NDUFS1: variants seen among roughly 807,000 people sequenced by gnomAD.
NDUFS1 encodes NADH-ubiquinone oxidoreductase 75 kDa subunit, mitochondrial.
Under a neutral mutation model 84.4 loss-of-function variants are expected in NDUFS1, and 61 were observed. The ratio of observed to expected loss-of-function variants is 0.72; its 90% CI spans 0.59 to 0.89. The LOEUF (loss-of-function observed/expected upper bound fraction) is 0.89. Among genes scored for constraint, NDUFS1 ranks in the 40% least tolerant of loss-of-function variants. The probability of loss-of-function intolerance (pLI) is 0.00; values close to 1 mark genes in which losing one functional copy is unlikely to be tolerated. For synonymous variants in NDUFS1, 275 were observed against 290.0 expected (o/e 0.95, Z 0.53); for missense variants, 891 against 890.0 (o/e 1.00, Z -0.01).
chr2:206,129,889 G>A (rs903906039), intron 15 of NDUFS1, among the ~76,000 whole-genome samples, 199 bp downstream of exon 15: 1 of 152,074 alleles, frequency 6.6e-6, no homozygotes, highest in Non-Finnish European at 1.5e-5. Context: ...ACCGCACCCG[G>A]CAGGTAATAA....
Position 206,132,929 on chromosome 2 carries a change from C to CA in NDUFS1, c.1553+15dup, listed in dbSNP as rs1559047163. Reference sequence around the variant, plus strand: ...TTACTTGAATTTATAGTATATAAAGCAATTACTCAACAAACCTATGAAGGA... The same window carrying CA: ...TTACTTGAATTTATAGTATATAAAGCAAATTACTCAACAAACCTATGAAGGA... On this transcript the variant is annotated intron_variant, in intron 14 of 18. Coordinates refer to ENST00000233190, the MANE Select transcript of NDUFS1 (RefSeq NM_005006.7). 2 of 1,603,722 alleles carry CA rather than the reference C, an allele frequency of 1.2e-6. No individual in the cohort carries two copies. The highest frequency in any genetic ancestry group is 1.7e-6 in the Non-Finnish European group (2 of 1,171,000).
intron 9 of NDUFS1, 87 bp from the exon 10 acceptor site, chr2:206,144,219 A>T (rs2105970283): frequency 1.0e-6 from 1 of 977,238 alleles, no homozygotes; most frequent in East Asian, 2.4e-5. Context: ...ATGTTATTTA[A>T]ATACAGTACT....
At chr2:206,142,093 C>A (rs759656726) in intron 11 of NDUFS1, 24 bp from the exon 12 acceptor site, 1 of 1,552,216 alleles carries the variant, frequency 6.4e-7, no homozygotes, top group Non-Finnish European at 8.9e-7. Context: ...ATATAAAATG[C>A]AAATTTACTT....
At chr2:206,135,052 T>C (rs545357228) in intron 13 of NDUFS1, among the ~76,000 whole-genome samples, 4 of 151,626 alleles carry the variant, frequency 2.6e-5, no homozygotes, top group African/African-American at 9.7e-5. Context: ...AGGGTCTTAC[T>C]CTGTTGCCCA....
intron 1 of NDUFS1, 31 bp downstream of exon 1, chr2:206,159,310 C>T: frequency 1.5e-6 from 1 of 659,670 alleles, no homozygotes; most frequent in South Asian, 1.7e-5. Context: ...GGCCGACGCA[C>T]CTCACCCTTC....
intron 9 of NDUFS1, 125 bp from the exon 10 acceptor site, chr2:206,144,257 T>C (rs1692076031): frequency 1.4e-6 from 1 of 693,224 alleles, no homozygotes; most frequent in Non-Finnish European, 2.6e-6. Context: ...TCTAAACACC[T>C]AGATACAAGT....
At chr2:206,149,239 T>G in intron 4 of NDUFS1, 143 bp from the exon 5 acceptor site, 1 of 680,642 alleles carries the variant, frequency 1.5e-6, no homozygotes. Flanking sequence ...TTTTTAAAAC[T>G]GAATTTTGTT....
chr2:206,141,511 G>A (rs558634785), intron 12 of NDUFS1, among the ~76,000 whole-genome samples: 34 of 150,278 alleles, frequency 2.3e-4, no homozygotes, highest in Admixed American at 1.6e-3. Context: ...CAGCCTGGGC[G>A]ACAAAGCGAG....
In NDUFS1 at chr2:206,124,176, G is replaced by A. The variant is rs1298765687; in HGVS notation, c.*9C>T. On this transcript the variant is annotated 3_prime_UTR_variant, in exon 19 of 19. Transcript: ENST00000233190. ...TATCTGCGGCAAAACTGGGATCCTA[G>A]TAGAAGCTTCAGCATATGGATGGTT... 3 of 1,584,436 alleles carry A rather than the reference G, an allele frequency of 1.9e-6. No individual in the cohort carries two copies. Among genetic ancestry groups the A allele is most frequent in the Non-Finnish European group, 2.6e-6 (3 of 1,152,998 alleles).
At chr2:206,153,048 G>C (rs1229760766) in intron 2 of NDUFS1, among the ~76,000 whole-genome samples, 1 of 152,084 alleles carries the variant, frequency 6.6e-6, no homozygotes, top group Non-Finnish European at 1.5e-5. Context: ...TTCATGGGAA[G>C]ATCACTTTTC....
rs926271077 is a variant in NDUFS1, at chr2:206,119,168, T to A, written c.*5017A>T. ...AGGCATGGCTTTCCCTCATAGTCTA[T>A]GAAATTTTCCTACAATGATCATCCT... On this transcript the variant is annotated 3_prime_UTR_variant, in exon 19 of 19. Coordinates refer to ENST00000233190, the MANE Select transcript of NDUFS1 (RefSeq NM_005006.7). 6.6e-6 allele frequency: 1 copy of A among 152,210 alleles called. No individual in the cohort carries two copies. The highest frequency in any genetic ancestry group is 2.4e-5 in the African/African-American group (1 of 41,458). The allele number at this position is 152,210 out of a possible 1,614,324, so 9.4% of individuals were successfully genotyped here. A position where few individuals can be genotyped will look rare whatever the true frequency, so the allele number is the denominator to read the frequency against.
At chr2:206,136,242 C>CG (rs1288647180) in intron 13 of NDUFS1, among the ~76,000 whole-genome samples, 1 of 149,666 alleles carries the variant, frequency 6.7e-6, no homozygotes, top group Non-Finnish European at 1.5e-5. Flanking sequence ...TAAGCAGAAG[C>CG]GGGGTTTCAC....
In NDUFS1 at chr2:206,147,583, G is replaced by A; in HGVS notation, c.499C>T (p.Pro167Ser). 1 of 1,614,096 alleles carries A rather than the reference G, an allele frequency of 6.2e-7. No homozygotes were observed. Among genetic ancestry groups the A allele is most frequent in the Non-Finnish European group, 8.5e-7 (1 of 1,180,008 alleles). ...KRAVEDKNIG[P>S]LVKTIMTRCI... ...CTTGTCATGATGGTCTTTACCAATG[G>A]CCCAATGTTCTTGTCTTCCACAGCA... The change falls in exon 7 of 19, where the codon CCA (proline) becomes TCA (serine). Residue 167 changes from proline to serine, a missense_variant. By Grantham distance (74) the Pro-to-Ser change is moderately conservative. Transcript: ENST00000233190.
chr2:206,147,124 C>A, intron 7 of NDUFS1, 36 bp from the exon 8 acceptor site: 1 of 1,593,366 alleles, frequency 6.3e-7, no homozygotes, highest in Non-Finnish European at 8.6e-7. Flanking sequence ...ATGGTCAAGT[C>A]CAGCAAAATT....
intron 3 of NDUFS1, 103 bp downstream of exon 3, chr2:206,152,316 T>C: frequency 3.4e-6 from 3 of 877,226 alleles, no homozygotes; most frequent in Admixed American, 2.0e-5. Context: ...CTGTGTATAG[T>C]TATTTTAAAG....
intron 9 of NDUFS1, 149 bp downstream of exon 9, chr2:206,144,743 T>C (rs1692092538): frequency 2.6e-6 from 2 of 756,560 alleles, no homozygotes; most frequent in Non-Finnish European, 4.2e-6. Flanking sequence ...ACTATTAAAG[T>C]CAGTATTATC....
intron 16 of NDUFS1, among the ~76,000 whole-genome samples, chr2:206,127,068 G>C (rs1691321613): frequency 6.6e-6 from 1 of 152,178 alleles, no homozygotes; most frequent in African/African-American, 2.4e-5. Context: ...TCTATGAAAT[G>C]AAGAGACAAT....
chr2:206,141,390 G>C (rs1438814425), intron 12 of NDUFS1, among the ~76,000 whole-genome samples: 1 of 151,186 alleles, frequency 6.6e-6, no homozygotes, highest in African/African-American at 2.4e-5. Context: ...AAATAAGCTG[G>C]GTGCAGGGGC....
Position 206,147,518 on chromosome 2 carries a change from G to A in NDUFS1, c.551+13C>T. On this transcript the variant is annotated intron_variant, in intron 7 of 18. Transcript: ENST00000233190. ...TTATATTCTATAATAGAAAAAAAAG[G>A]AAAAAAAGTTACCTGATGCAGCGAG... 1 of 1,610,706 alleles carries A rather than the reference G, an allele frequency of 6.2e-7. No individual in the cohort carries two copies. The highest frequency in any genetic ancestry group is 8.5e-7 in the Non-Finnish European group (1 of 1,178,538).
Sources: allele counts gnomAD v4.1 joint callset (sites outside exome capture counted in the v4.1 genomes callset), GRCh38; gene constraint gnomAD v4.1.1; transcripts MANE v1.5; gene names NCBI Gene and HGNC (gene_info 2026-07-23, HGNC 2026-07-21).